PHACTR1: variants seen among roughly 807,000 people sequenced by gnomAD.
PHACTR1 encodes the protein RPEL repeat containing 1.
In PHACTR1, 16 loss-of-function variants were observed where a neutral mutation model predicts 69.2. The ratio of observed to expected loss-of-function variants is 0.23; its 90% CI spans 0.16 to 0.35. The LOEUF (loss-of-function observed/expected upper bound fraction) is 0.35. Among genes scored for constraint, PHACTR1 ranks in the 10% least tolerant of loss-of-function variants. The probability of loss-of-function intolerance (pLI) is 1.00; values close to 1 mark genes in which losing one functional copy is unlikely to be tolerated. For missense variants in PHACTR1, 510 were observed against 734.7 expected, an observed-to-expected ratio of 0.69 and a Z score of 3.54; for synonymous variants, 312 against 284.5, an observed-to-expected ratio of 1.10 and a Z score of -0.97.
intron 7 of PHACTR1, among the ~76,000 whole-genome samples, chr6:13,190,341 CTCTT>C (rs1461202839): frequency 4.6e-5 from 7 of 151,826 alleles, no homozygotes; most frequent in Admixed American, 6.6e-5. Flanking sequence ...GGCTTGATGT[CTCTT>C]CTTATAAGGA....
intron 4 of PHACTR1, among the ~76,000 whole-genome samples, chr6:12,982,883 T>G (rs1272123750): frequency 6.6e-6 from 1 of 152,214 alleles, no homozygotes; most frequent in Non-Finnish European, 1.5e-5. Context: ...ATGAGATGTA[T>G]ATTCACAATA....
chr6:12,948,298 A>C (rs1033678799), intron 4 of PHACTR1, among the ~76,000 whole-genome samples: 1 of 152,180 alleles, frequency 6.6e-6, no homozygotes, highest in African/African-American at 2.4e-5. Flanking sequence ...TTAACATAAA[A>C]GCTGAGAAAT....
chr6:13,033,893 A>G (rs941946540), intron 4 of PHACTR1, among the ~76,000 whole-genome samples: 1 of 44,360 alleles, frequency 2.3e-5, no homozygotes, highest in Non-Finnish European at 4.1e-5. Context: ...GTCCTAAGAA[A>G]TAATTTTAAA....
intron 4 of PHACTR1, among the ~76,000 whole-genome samples, chr6:13,047,396 A>T (rs2127724985): frequency 6.6e-6 from 1 of 150,968 alleles, no homozygotes; most frequent in African/African-American, 2.4e-5. Context: ...AAAAAAAAAA[A>T]AAAAAAGGCA....
At chr6:12,933,759 A>G (rs1789130184) in intron 4 of PHACTR1, 3 of 1,612,804 alleles carry the variant, frequency 1.9e-6, no homozygotes, top group Non-Finnish European at 2.5e-6. Flanking sequence ...GCCCCTACAT[A>G]CACTACATCA....
chr6:13,181,488 G>A (rs900188981), intron 6 of PHACTR1, among the ~76,000 whole-genome samples: 2 of 152,178 alleles, frequency 1.3e-5, no homozygotes, highest in Non-Finnish European at 2.9e-5. Context: ...TGACTTTAAT[G>A]TCTAGTTATC....
intron 6 of PHACTR1, among the ~76,000 whole-genome samples, chr6:13,180,878 T>C (rs1762088926): frequency 6.6e-6 from 1 of 152,214 alleles, no homozygotes; most frequent in African/African-American, 2.4e-5. Context: ...TTCCATTGCA[T>C]GGGCTTACAG....
intron 5 of PHACTR1, among the ~76,000 whole-genome samples, chr6:13,089,136 C>A (rs1408895542): frequency 6.6e-6 from 1 of 152,176 alleles, no homozygotes; most frequent in East Asian, 1.9e-4. Context: ...AGATTACAAA[C>A]ACAGTCCCCT....
At chr6:12,855,376 C>T (rs573236182) in intron 4 of PHACTR1, among the ~76,000 whole-genome samples, 3 of 150,916 alleles carry the variant, frequency 2.0e-5, no homozygotes, top group Non-Finnish European at 1.5e-5. Flanking sequence ...CTCTTCAGTC[C>T]AGAGGTTTGA....
At chr6:12,868,711 G>A (rs981060361) in intron 4 of PHACTR1, among the ~76,000 whole-genome samples, 3 of 152,108 alleles carry the variant, frequency 2.0e-5, no homozygotes, top group Non-Finnish European at 4.4e-5. Context: ...ATATGTCCTG[G>A]CCTTTCCCCA....
chr6:13,229,974 T>C, intron 9 of PHACTR1, 63 bp from the exon 10 acceptor site: 2 of 1,495,988 alleles, frequency 1.3e-6, no homozygotes, highest in Non-Finnish European at 1.8e-6. Context: ...TGACCCAGGG[T>C]TGGCCCTGTG....
At chr6:12,761,976 C>G (rs71562455) in intron 4 of PHACTR1, among the ~76,000 whole-genome samples, 1 of 152,304 alleles carries the variant, frequency 6.6e-6, no homozygotes, top group African/African-American at 2.4e-5. Context: ...ACGCTGCCTT[C>G]CAGCAACATC....
intron 5 of PHACTR1, among the ~76,000 whole-genome samples, chr6:13,146,567 A>G (rs1823381411): frequency 1.3e-5 from 2 of 152,254 alleles, no homozygotes; most frequent in Non-Finnish European, 2.9e-5. Flanking sequence ...CAAGCCGCCA[A>G]GCAGGCAAGC....
At chr6:12,923,354 T>C (rs1787920479) in intron 4 of PHACTR1, among the ~76,000 whole-genome samples, 1 of 152,176 alleles carries the variant, frequency 6.6e-6, no homozygotes, top group Admixed American at 6.5e-5. Flanking sequence ...GTTAATGTCA[T>C]CCTCTAATGA....
At chr6:13,027,675 T>C (rs1801889152) in intron 4 of PHACTR1, among the ~76,000 whole-genome samples, 1 of 96,514 alleles carries the variant, frequency 1.0e-5, no homozygotes, top group Non-Finnish European at 2.6e-5. Context: ...GTAACAATAA[T>C]ATGTGGAATT....
chr6:13,146,495 T>C (rs1823370317), intron 5 of PHACTR1, among the ~76,000 whole-genome samples: 1 of 152,352 alleles, frequency 6.6e-6, no homozygotes, highest in South Asian at 2.1e-4. Context: ...AACCTGACTA[T>C]CTTAACACTG....
intron 5 of PHACTR1, among the ~76,000 whole-genome samples, chr6:13,093,689 G>A (rs1314854744): frequency 2.6e-5 from 4 of 152,058 alleles, no homozygotes; most frequent in East Asian, 1.9e-4. Context: ...CCTCTATATT[G>A]GGTTCTAGTC....
chr6:12,998,785 A>G (rs1332678589), intron 4 of PHACTR1, among the ~76,000 whole-genome samples: 1 of 152,184 alleles, frequency 6.6e-6, no homozygotes, highest in Admixed American at 6.5e-5. Flanking sequence ...TGGTTATACT[A>G]GAAGAAAAAA....
intron 4 of PHACTR1, among the ~76,000 whole-genome samples, chr6:12,967,217 T>C (rs907142394): frequency 2.0e-5 from 3 of 152,200 alleles, no homozygotes; most frequent in Non-Finnish European, 4.4e-5. Flanking sequence ...TACATAAAAC[T>C]CTTATCAGAA....
Sources: allele counts gnomAD v4.1 joint callset (sites outside exome capture counted in the v4.1 genomes callset), GRCh38; gene constraint gnomAD v4.1.1; transcripts MANE v1.5; gene names NCBI Gene and HGNC (gene_info 2026-07-23, HGNC 2026-07-21).